Variants in FBXO25 observed in about 807,000 individuals in gnomAD.
The protein encoded by FBXO25 is F-box protein 25, also known as F-box only protein 25.
A neutral mutation model predicts 51.9 loss-of-function variants in FBXO25; 45 were observed. The ratio of observed to expected loss-of-function variants is 0.87; its 90% confidence interval spans 0.68 to 1.11. The LOEUF (loss-of-function observed/expected upper bound fraction) is 1.11. Among genes scored for constraint, FBXO25 ranks in the 50% most tolerant of loss-of-function variants. The pLI, the probability that FBXO25 is intolerant of heterozygous loss-of-function variation, is 0.00. For synonymous variants in FBXO25, 199 were observed against 151.0 expected (o/e 1.32, Z -2.33); for missense variants, 507 against 428.5 (o/e 1.18, Z -1.62).
rs1226542885 is a variant in FBXO25 at position 469,662 on chromosome 8, C to T, written c.*858C>T. 1.3e-5 allele frequency: 2 copies of T among 152,102 alleles called. No individual in the cohort carries two copies. Among genetic ancestry groups the T allele is most frequent in the African/African-American group, 2.4e-5 (1 of 41,408 alleles). 9.4% of individuals were successfully genotyped at this position (152,102 alleles called of 1,614,324 possible). A position where few individuals can be genotyped will look rare whatever the true frequency, so the allele number is the denominator to read the frequency against. On this transcript the variant is annotated 3_prime_UTR_variant, in exon 10 of 10. Transcript: ENST00000350302. Reference sequence around the variant, plus strand: ...AAAGATTGCTTCGTTTTTAAAATAACGCATGTCCATTTTAGAAAATTAGAA... The same window carrying T: ...AAAGATTGCTTCGTTTTTAAAATAATGCATGTCCATTTTAGAAAATTAGAA...
chr8:459,308 A>T (rs1016225497), intron 8 of FBXO25, among the ~76,000 whole-genome samples: 1 of 152,180 alleles, frequency 6.6e-6, no homozygotes, highest in Admixed American at 6.5e-5. Flanking sequence ...GGTGCCTTTC[A>T]TGAGGAGCAT....
Position 477,044 on chromosome 8 carries a change from A to C in FBXO25, c.*8240A>C, listed in dbSNP as rs1800667172. On this transcript the variant is annotated 3_prime_UTR_variant, in exon 10 of 10. Transcript: ENST00000350302. The stretch of plus-strand genomic sequence containing the variant: ...TAATTTCCCTTGTGAGTTCCCCATT[A>C]ATCTGCTGGTTGAGAGCGTTGTTTA... The C allele has an allele frequency of 6.6e-6, 1 of 152,052 alleles. No homozygotes were observed. Among genetic ancestry groups the C allele is most frequent in the Non-Finnish European group, 1.5e-5 (1 of 68,004 alleles). 9.4% of individuals were successfully genotyped at this position (152,052 alleles called of 1,614,324 possible). A position where few individuals can be genotyped will look rare whatever the true frequency, so the allele number is the denominator to read the frequency against.
intron 1 of FBXO25, chr8:407,440 T>C: frequency 2.0e-6 from 2 of 983,278 alleles, no homozygotes; most frequent in Admixed American, 6.2e-5. Flanking sequence ...GGCCGGCGGG[T>C]GTGGAGGGTT....
chr8:434,108 C>T (rs1013940130), intron 4 of FBXO25, among the ~76,000 whole-genome samples: 7 of 152,164 alleles, frequency 4.6e-5, no homozygotes, highest in East Asian at 1.9e-4. Context: ...GGAACCAGGA[C>T]CTAACAAGGC....
intron 9 of FBXO25, among the ~76,000 whole-genome samples, chr8:466,617 G>T (rs1411018552): frequency 6.6e-6 from 1 of 152,188 alleles, no homozygotes; most frequent in African/African-American, 2.4e-5. Flanking sequence ...TGGTGCATCT[G>T]TCTCAGGTCT....
chr8:443,475 T>C (rs1163129253), intron 5 of FBXO25, among the ~76,000 whole-genome samples: 1 of 151,840 alleles, frequency 6.6e-6, no homozygotes, highest in Non-Finnish European at 1.5e-5. Flanking sequence ...GCAGACGTTC[T>C]TTCTGCCAGT....
At chr8:415,659 T>C (rs1796750382) in intron 2 of FBXO25, among the ~76,000 whole-genome samples, 1 of 152,122 alleles carries the variant, frequency 6.6e-6, no homozygotes, top group Non-Finnish European at 1.5e-5. Flanking sequence ...CACATATTGA[T>C]TGGACTAGCC....
At chr8:457,245 G>C (rs1398494570) in intron 7 of FBXO25, among the ~76,000 whole-genome samples, 2 of 152,210 alleles carry the variant, frequency 1.3e-5, no homozygotes, top group African/African-American at 2.4e-5. Flanking sequence ...CTGTCAGGAA[G>C]ACGTGTTTCT....
At position 419,471 on chromosome 8, in the gene FBXO25, A is replaced by G. The variant is rs150495450; in HGVS notation, c.134+6258A>G. Among the ~76,000 whole-genome samples, 730 of 152,346 alleles carry G rather than the reference A, an allele frequency of 4.8e-3. 8 individuals carry two copies. Among genetic ancestry groups the G allele is most frequent in the South Asian group, 0.031 (152 of 4,828 alleles). ...AAAGATAGATACACAGGTCAGTGGA[A>G]CACAACAGAGGACCCCAGATAAGTC... On this transcript the variant is annotated intron_variant, in intron 2 of 9. Coordinates refer to ENST00000350302, the MANE Select transcript of FBXO25 (RefSeq NM_183420.2).
At chr8:443,866 A>C (rs1364487263) in intron 5 of FBXO25, among the ~76,000 whole-genome samples, 1 of 152,178 alleles carries the variant, frequency 6.6e-6, no homozygotes, top group African/African-American at 2.4e-5. Context: ...TTAAAATTAG[A>C]TAATCAAAGT....
chr8:465,054 G>A (rs1029364996), intron 9 of FBXO25, among the ~76,000 whole-genome samples: 2 of 152,116 alleles, frequency 1.3e-5, no homozygotes, highest in Non-Finnish European at 2.9e-5. Context: ...CCCAGTTATA[G>A]GGCACAGAAG....
chr8:465,922 T>G (rs1347136191), intron 9 of FBXO25, among the ~76,000 whole-genome samples: 1 of 152,232 alleles, frequency 6.6e-6, no homozygotes, highest in African/African-American at 2.4e-5. Flanking sequence ...TTCTTGTATT[T>G]AGTGAACTTT....
At chr8:416,398 C>A (rs1299394192) in intron 2 of FBXO25, among the ~76,000 whole-genome samples, 1 of 152,236 alleles carries the variant, frequency 6.6e-6, no homozygotes. Flanking sequence ...TCTTCATTGA[C>A]TTTATCCTGA....
intron 5 of FBXO25, among the ~76,000 whole-genome samples, chr8:440,604 A>T (rs1798368099): frequency 6.6e-6 from 1 of 151,884 alleles, no homozygotes; most frequent in South Asian, 2.1e-4. Context: ...TTTTTAAATT[A>T]TACTTTAAGT....
intron 8 of FBXO25, among the ~76,000 whole-genome samples, chr8:460,821 G>A (rs1324161936): frequency 6.6e-6 from 1 of 152,190 alleles, no homozygotes; most frequent in Non-Finnish European, 1.5e-5. Flanking sequence ...GGCTGATAAC[G>A]ACTTTTTATT....
At chr8:465,441 A>G (rs536236576) in intron 9 of FBXO25, among the ~76,000 whole-genome samples, 2 of 152,368 alleles carry the variant, frequency 1.3e-5, no homozygotes, top group East Asian at 1.9e-4. Flanking sequence ...TAGAAGGGAT[A>G]GAAGGCTTTC....
chr8:412,270 A>G, intron 1 of FBXO25, among the ~76,000 whole-genome samples: 1 of 152,144 alleles, frequency 6.6e-6, no homozygotes, highest in Non-Finnish European at 1.5e-5. Context: ...TCCCAGATCC[A>G]GGGGCTACAA....
At position 450,974 on chromosome 8, in the gene FBXO25, T is replaced by A. The variant is rs140445743; in HGVS notation, c.476-295T>A. 254 of 231,906 alleles carry A rather than the reference T, an allele frequency of 1.1e-3. 1 individual carries two copies. Among genetic ancestry groups the A allele is most frequent in the Middle Eastern group, 5.7e-3 (4 of 702 alleles). The allele number at this position is 231,906 out of a possible 1,614,324, so 14.4% of individuals were successfully genotyped here. A position where few individuals can be genotyped will look rare whatever the true frequency, so the allele number is the denominator to read the frequency against. ...ATTCTACTTTCTGTCTCTACGAGTT[T>A]GACTACTCATGTAAGTGCCTTATGT... is the stretch of plus-strand genomic sequence containing the variant. On this transcript the variant is annotated intron_variant, in intron 6 of 9. Transcript: ENST00000350302.
intron 2 of FBXO25, among the ~76,000 whole-genome samples, chr8:428,787 C>A (rs1489929219): frequency 1.3e-5 from 2 of 152,202 alleles, no homozygotes; most frequent in Admixed American, 6.5e-5. Flanking sequence ...TAAGTCAAAT[C>A]AGACAGTATG....
Sources: gnomAD v4.1 joint callset for allele counts (sites outside exome capture counted in the v4.1 genomes callset) on GRCh38, gnomAD v4.1.1 for gene constraint, MANE v1.5 for transcripts, NCBI Gene and HGNC (gene_info 2026-07-23, HGNC 2026-07-21) for gene names.